Variants in NTRK2 observed in about 807,000 individuals in gnomAD.
NTRK2 encodes neurotrophic receptor tyrosine kinase 2.
NTRK2 carries 13 observed loss-of-function variants against 94.5 expected under a neutral mutation model. That is an observed-to-expected ratio of 0.14 (90% confidence interval 0.09 to 0.22). NTRK2 has a LOEUF of 0.22. NTRK2 is among the 10% of genes least tolerant of loss of function. The probability of loss-of-function intolerance (pLI) is 1.00; values close to 1 mark genes in which losing one functional copy is unlikely to be tolerated. For synonymous variants in NTRK2, 372 were observed against 407.4 expected (o/e 0.91, Z 1.05); for missense variants, 639 against 1,071.2 (o/e 0.60, Z 5.63).
At chr9:84,927,487 C>A (rs770652412) in intron 14 of NTRK2, among the ~76,000 whole-genome samples, 17 of 152,030 alleles carry the variant, frequency 1.1e-4, no homozygotes, top group Non-Finnish European at 2.2e-4. Flanking sequence ...CTAGAAAATG[C>A]TGAGGCACTT....
chr9:84,902,402 T>G (rs1266311887), intron 14 of NTRK2, among the ~76,000 whole-genome samples: 3 of 152,194 alleles, frequency 2.0e-5, no homozygotes, highest in African/African-American at 7.2e-5. Flanking sequence ...TGCATCTGTA[T>G]TTGTTTCACA....
intron 11 of NTRK2, among the ~76,000 whole-genome samples, chr9:84,748,029 C>A (rs1338074388): frequency 6.6e-6 from 1 of 152,148 alleles, no homozygotes; most frequent in Non-Finnish European, 1.5e-5. Flanking sequence ...AGCCAAGAAG[C>A]AGATACAAAA....
At chr9:84,902,243 C>T (rs556694265) in intron 14 of NTRK2, among the ~76,000 whole-genome samples, 1 of 151,178 alleles carries the variant, frequency 6.6e-6, no homozygotes, top group South Asian at 2.1e-4. Flanking sequence ...GCCATCAATA[C>T]TATTGGTGTT....
chr9:84,825,634 A>G (rs1209199237), intron 12 of NTRK2, among the ~76,000 whole-genome samples: 1 of 152,264 alleles, frequency 6.6e-6, no homozygotes, highest in Non-Finnish European at 1.5e-5. Context: ...ATGCAGTAAC[A>G]GAAGCAATGA....
At chr9:84,857,296 G>T (rs992672682) in intron 12 of NTRK2, among the ~76,000 whole-genome samples, 1 of 152,030 alleles carries the variant, frequency 6.6e-6, no homozygotes, top group African/African-American at 2.4e-5. Flanking sequence ...CAAAAGGAGG[G>T]GATTCTTTAA....
intron 2 of NTRK2, among the ~76,000 whole-genome samples, chr9:84,690,562 A>G (rs767203155): frequency 8.9e-5 from 12 of 134,798 alleles, no homozygotes; most frequent in Non-Finnish European, 1.8e-4. Flanking sequence ...AAAAAACATT[A>G]GCTGGGCATG....
intron 16 of NTRK2, among the ~76,000 whole-genome samples, chr9:84,954,503 C>G (rs530162736): frequency 7.8e-4 from 119 of 152,318 alleles, no homozygotes; most frequent in African/African-American, 2.8e-3. Context: ...AAAATTTTCC[C>G]CAGCAAAAGA....
At chr9:84,904,714 C>A (rs909972446) in intron 14 of NTRK2, among the ~76,000 whole-genome samples, 1 of 152,072 alleles carries the variant, frequency 6.6e-6, no homozygotes, top group Non-Finnish European at 1.5e-5. Context: ...TCACATTACC[C>A]CTATAGTAAC....
chr9:84,715,104 G>A (rs1202869789), intron 6 of NTRK2, among the ~76,000 whole-genome samples: 3 of 152,108 alleles, frequency 2.0e-5, no homozygotes, highest in Non-Finnish European at 2.9e-5. Context: ...ATTCCATGGT[G>A]CCTGCTGTAC....
intron 14 of NTRK2, among the ~76,000 whole-genome samples, chr9:84,891,694 G>T (rs2076600109): frequency 6.6e-6 from 1 of 152,178 alleles, no homozygotes; most frequent in African/African-American, 2.4e-5. Context: ...ATCTCACTTA[G>T]TGTGCATGTA....
Position 85,015,196 on chromosome 9 carries a change from T to C in NTRK2, c.2173-5010T>C, listed in dbSNP as rs185846743. Among the ~76,000 whole-genome samples the C allele has an allele frequency of 2.6e-3, 391 of 152,288 alleles. 2 individuals carry two copies. Among genetic ancestry groups the C allele is most frequent in the Non-Finnish European group, 3.4e-3 (232 of 68,026 alleles). On this transcript the variant is annotated intron_variant, in intron 17 of 18. Transcript: ENST00000277120. Reference sequence around the variant, plus strand: ...CCTTATGTTATACATAATGAAGTCTTCCTAGACTTAATTCCCAGACATAAT... The same window carrying C: ...CCTTATGTTATACATAATGAAGTCTCCCTAGACTTAATTCCCAGACATAAT...
intron 12 of NTRK2, among the ~76,000 whole-genome samples, chr9:84,786,654 A>G (rs1452700577): frequency 1.3e-5 from 2 of 152,170 alleles, no homozygotes; most frequent in Non-Finnish European, 2.9e-5. Flanking sequence ...TATTATCTTA[A>G]AACTTAAATA....
intron 14 of NTRK2, chr9:84,875,123 C>A: frequency 9.4e-7 from 1 of 1,060,182 alleles, no homozygotes; most frequent in Non-Finnish European, 1.1e-6. Flanking sequence ...TTGTGGATAT[C>A]CTTTTAATCT....
chr9:84,983,179 G>C (rs763713320), intron 17 of NTRK2, among the ~76,000 whole-genome samples: 3 of 152,118 alleles, frequency 2.0e-5, no homozygotes, highest in Non-Finnish European at 2.9e-5. Context: ...ATACCAAATT[G>C]CTGTTCTTTA....
intron 14 of NTRK2, chr9:84,877,322 T>C: frequency 9.4e-7 from 1 of 1,066,028 alleles, no homozygotes; most frequent in Middle Eastern, 4.2e-4. Context: ...AGGAAGAACT[T>C]TGGTGTGAGG....
At chr9:84,986,249 C>T (rs1051843496) in intron 17 of NTRK2, among the ~76,000 whole-genome samples, 5 of 152,106 alleles carry the variant, frequency 3.3e-5, no homozygotes, top group Admixed American at 6.6e-5. Flanking sequence ...TTCTCTAGAG[C>T]AGCATTCCCC....
chr9:84,908,082 C>A (rs911228796), intron 14 of NTRK2, among the ~76,000 whole-genome samples: 1 of 152,154 alleles, frequency 6.6e-6, no homozygotes, highest in Non-Finnish European at 1.5e-5. Flanking sequence ...TACTGGCTAC[C>A]AAAACAAAAC....
intron 2 of NTRK2, among the ~76,000 whole-genome samples, chr9:84,696,222 G>A (rs966645446): frequency 3.3e-5 from 5 of 152,116 alleles, no homozygotes; most frequent in African/African-American, 1.2e-4. Context: ...TGCCCAAGCT[G>A]GTCTCGAACT....
intron 12 of NTRK2, among the ~76,000 whole-genome samples, chr9:84,792,912 AT>A (rs2068875220): frequency 6.6e-6 from 1 of 152,148 alleles, no homozygotes; most frequent in African/African-American, 2.4e-5. Context: ...ATTTCCTCTG[AT>A]TGGGAGGTGC....
Sources: allele counts gnomAD v4.1 joint callset (sites outside exome capture counted in the v4.1 genomes callset), GRCh38; gene constraint gnomAD v4.1.1; transcripts MANE v1.5; gene names NCBI Gene and HGNC (gene_info 2026-07-23, HGNC 2026-07-21).